The following ENPP2 variants were observed in gnomAD, a reference collection of about 807,000 sequenced individuals.
ENPP2 encodes the protein ectonucleotide pyrophosphatase/phosphodiesterase 2.
In ENPP2, 51 loss-of-function variants were observed where a neutral mutation model predicts 120.2. The observed-to-expected ratio is 0.42, with a 90% confidence interval of 0.34 to 0.54. ENPP2 has a LOEUF of 0.54. ENPP2 is among the 20% of genes least tolerant of loss of function. The pLI, the probability that ENPP2 is intolerant of heterozygous loss-of-function variation, is 0.04. For missense variants in ENPP2, 920 were observed against 1,066.5 expected, an observed-to-expected ratio of 0.86 and a Z score of 1.91; for synonymous variants, 365 against 366.4, an observed-to-expected ratio of 1.00 and a Z score of 0.04.
chr8:119,651,757 C>G (rs1817633739), intron 1 of ENPP2, among the ~76,000 whole-genome samples: 2 of 152,158 alleles, frequency 1.3e-5, no homozygotes, highest in Admixed American at 1.3e-4. Context: ...TGACCAGAAC[C>G]TTGGGCATCC....
At chr8:119,625,299 A>T (rs1286339886) in intron 3 of ENPP2, among the ~76,000 whole-genome samples, 1 of 152,214 alleles carries the variant, frequency 6.6e-6, no homozygotes, top group Non-Finnish European at 1.5e-5. Context: ...CACAATTAAA[A>T]GAAACTGGGA....
At chr8:119,638,644 CATA>C (rs1306866481) in intron 1 of ENPP2, 101 bp downstream of exon 1, 5 of 995,758 alleles carry the variant, frequency 5.0e-6, no homozygotes, top group African/African-American at 4.8e-5. Context: ...TTCCAAAATG[CATA>C]ATAAGGTGCT....
intron 5 of ENPP2, 129 bp downstream of exon 5, chr8:119,619,115 G>A: frequency 1.5e-6 from 1 of 674,944 alleles, no homozygotes; most frequent in Non-Finnish European, 2.6e-6. Flanking sequence ...TTACTCCTAA[G>A]TACTCATAAG....
chr8:119,627,202 C>T (rs537336915), intron 2 of ENPP2, among the ~76,000 whole-genome samples: 1 of 151,884 alleles, frequency 6.6e-6, no homozygotes, highest in African/African-American at 2.4e-5. Flanking sequence ...TCAAATGTTC[C>T]AAGAACAGAA....
chr8:119,586,983 G>A, intron 14 of ENPP2, 61 bp downstream of exon 14: 1 of 1,474,244 alleles, frequency 6.8e-7, no homozygotes, highest in Non-Finnish European at 9.4e-7. Flanking sequence ...ACACAGGAGG[G>A]AGGCTGCTCC....
Position 119,563,322 on chromosome 8 carries a change from C to T in ENPP2, c.2265-309G>A, listed in dbSNP as rs781358942. On this transcript the variant is annotated intron_variant, in intron 23 of 24. Coordinates refer to ENST00000075322, the MANE Select transcript of ENPP2 (RefSeq NM_001040092.3). ...TGCAGTAGAAATGAAAGGCTGGAAG[C>T]GTCAATAAAAGCCAAATTATGGTGG... Among the ~76,000 whole-genome samples the T allele has an allele frequency of 7.2e-5, 11 of 152,164 alleles. 1 individual carries two copies. Among genetic ancestry groups the T allele is most frequent in the South Asian group, 6.2e-4 (3 of 4,822 alleles).
chr8:119,584,296 G>A (rs533522399), intron 15 of ENPP2, among the ~76,000 whole-genome samples: 1 of 152,174 alleles, frequency 6.6e-6, no homozygotes, highest in East Asian at 1.9e-4. Flanking sequence ...CTTGGAGCTC[G>A]TGCTTACACC....
At chr8:119,608,233 T>A (rs1470559348) in intron 8 of ENPP2, among the ~76,000 whole-genome samples, 1 of 152,230 alleles carries the variant, frequency 6.6e-6, no homozygotes, top group Admixed American at 6.5e-5. Context: ...TAAAATCTTA[T>A]TTTATCTCAA....
intron 1 of ENPP2, among the ~76,000 whole-genome samples, chr8:119,672,266 G>A (rs1247368133): frequency 6.6e-6 from 1 of 152,200 alleles, no homozygotes; most frequent in South Asian, 2.1e-4. Flanking sequence ...AATACCTGAT[G>A]AGCAGAAGTG....
At chr8:119,620,863 A>G (rs187083810) in intron 4 of ENPP2, among the ~76,000 whole-genome samples, 22 of 152,318 alleles carry the variant, frequency 1.4e-4, no homozygotes, top group Admixed American at 1.4e-3. Context: ...GCAGTTGCCA[A>G]TGCCTTGGTG....
chr8:119,631,204 C>CTTTTTT (rs60092023), intron 2 of ENPP2, among the ~76,000 whole-genome samples: 7 of 61,746 alleles, frequency 1.1e-4, no homozygotes, highest in Non-Finnish European at 2.0e-4. Flanking sequence ...ATGCTGCTAT[C>CTTTTTT]TTTTTTTTTT....
upstream of ENPP2, among the ~76,000 whole-genome samples, chr8:119,642,236 T>G (rs551868889): frequency 1.3e-5 from 2 of 152,334 alleles, no homozygotes; most frequent in African/African-American, 2.4e-5. Context: ...TTCTTCTGCC[T>G]GCTCAAATGT....
At chr8:119,665,857 A>G (rs749369378) in intron 1 of ENPP2, among the ~76,000 whole-genome samples, 5 of 152,172 alleles carry the variant, frequency 3.3e-5, no homozygotes, top group Non-Finnish European at 5.9e-5. Context: ...AAAAATATAA[A>G]TGTCCCAGAC....
At position 119,558,400 on chromosome 8, in the gene ENPP2, G is replaced by A. The variant is rs1426388461; in HGVS notation, c.2422-709C>T. On this transcript the variant is annotated intron_variant, in intron 24 of 24. Coordinates refer to ENST00000075322, the MANE Select transcript of ENPP2 (RefSeq NM_001040092.3). ...AATGCTTACTTCTGCAGCTCCCTGG[G>A]AGGTTAGGGAGGAGAGGAGGGAAGA... 2.0e-5 allele frequency among the ~76,000 whole-genome samples: 3 copies of A among 152,098 alleles called. No homozygotes were observed. In the East Asian group the frequency reaches 5.8e-4, roughly 29 times the overall value.
intron 11 of ENPP2, chr8:119,595,794 C>T: frequency 6.3e-7 from 1 of 1,589,010 alleles, no homozygotes; most frequent in Non-Finnish European, 8.6e-7. Flanking sequence ...CTGAAGGCAA[C>T]CTTCAACTCA....
chr8:119,591,855 G>A (rs774890577), intron 12 of ENPP2, among the ~76,000 whole-genome samples: 8 of 152,156 alleles, frequency 5.3e-5, no homozygotes, highest in African/African-American at 1.7e-4. Context: ...CAATGTTAGC[G>A]TGGGAAGGGA....
intron 2 of ENPP2, among the ~76,000 whole-genome samples, chr8:119,629,946 C>T (rs1816544143): frequency 6.6e-6 from 1 of 152,058 alleles, no homozygotes; most frequent in Admixed American, 6.6e-5. Context: ...AATTCATTCC[C>T]ACGAGCTGCT....
At chr8:119,610,186 C>A (rs1405820988) in intron 8 of ENPP2, among the ~76,000 whole-genome samples, 4 of 151,754 alleles carry the variant, frequency 2.6e-5, no homozygotes, top group African/African-American at 9.7e-5. Flanking sequence ...AAAAAACTAA[C>A]CAATTTTAAA....
intron 17 of ENPP2, among the ~76,000 whole-genome samples, chr8:119,582,832 G>A (rs531509888): frequency 1.3e-5 from 2 of 152,130 alleles, no homozygotes; most frequent in Non-Finnish European, 2.9e-5. Flanking sequence ...GCCTGACCAT[G>A]AATAGAGAGA....
Sources: allele counts gnomAD v4.1 joint callset (sites outside exome capture counted in the v4.1 genomes callset), GRCh38; gene constraint gnomAD v4.1.1; transcripts MANE v1.5; gene names NCBI Gene and HGNC (gene_info 2026-07-23, HGNC 2026-07-21).